The following ATR variants were observed in gnomAD, a reference collection of about 807,000 sequenced individuals.
ATR encodes the protein ATR checkpoint kinase.
Under a neutral mutation model 305.3 loss-of-function variants are expected in ATR, and 142 were observed. That is an observed-to-expected ratio of 0.47 (90% CI 0.41 to 0.53). The LOEUF (loss-of-function observed/expected upper bound fraction) is 0.53, where lower values mean the gene tolerates loss of function less well. ATR is among the 20% of genes least tolerant of loss of function. The pLI is 0.00. For synonymous variants in ATR, 1,050 were observed against 1,068.1 expected (o/e 0.98, Z 0.33); for missense variants, 2,135 against 3,133.1 (o/e 0.68, Z 7.60).
intron 21 of ATR, among the ~76,000 whole-genome samples, chr3:142,525,593 TG>T (rs1202351031): frequency 6.6e-6 from 1 of 152,182 alleles, no homozygotes; most frequent in African/African-American, 2.4e-5. Flanking sequence ...CCCCCAGTGT[TG>T]GAGGTGAGAT....
At chr3:142,480,868 G>C (rs1014929273) in intron 36 of ATR, among the ~76,000 whole-genome samples, 1 of 152,242 alleles carries the variant, frequency 6.6e-6, no homozygotes, top group African/African-American at 2.4e-5. Flanking sequence ...GGCTCCGTGG[G>C]CATGGGACCT....
chr3:142,466,191 C>T (rs1447456058), intron 40 of ATR, 133 bp downstream of exon 40: 1 of 1,062,106 alleles, frequency 9.4e-7, no homozygotes, highest in African/African-American at 1.6e-5. Flanking sequence ...TTTAGTTTTA[C>T]TCTTCTGTAT....
chr3:142,505,328 T>A (rs756974650), intron 28 of ATR, 25 bp from the exon 29 acceptor site: 1 of 1,610,676 alleles, frequency 6.2e-7, no homozygotes, highest in Non-Finnish European at 8.5e-7. Flanking sequence ...TAAAAAACAA[T>A]CAAAAACAAG....
chr3:142,511,934 C>A (rs554816448), intron 27 of ATR, among the ~76,000 whole-genome samples: 9 of 151,762 alleles, frequency 5.9e-5, no homozygotes, highest in Non-Finnish European at 1.2e-4. Flanking sequence ...GCCAATATGG[C>A]AAAACCCTGT....
intron 24 of ATR, among the ~76,000 whole-genome samples, chr3:142,516,307 C>G (rs1372015014): frequency 6.6e-6 from 1 of 152,138 alleles, no homozygotes; most frequent in African/African-American, 2.4e-5. Flanking sequence ...CGGTATTCAT[C>G]TGCTAACCTC....
chr3:142,556,626 G>A lies in ATR; in HGVS notation c.1886-51C>T, dbSNP rs577505489. The A allele has an allele frequency of 5.8e-5, 89 of 1,523,726 alleles. No homozygotes were observed. In the South Asian group the frequency reaches 9.2e-4, roughly 16 times the overall value. The allele number at this position is 1,523,726 out of a possible 1,614,324, so 94.4% of individuals were successfully genotyped here. On this transcript the variant is annotated intron_variant, in intron 8 of 46. Coordinates refer to ENST00000350721, the MANE Select transcript of ATR (RefSeq NM_001184.4). Reference sequence around the variant, plus strand: ...AGATTTCTACTAATGTTAATTTTATGTATACACATATACATATATATAAGT... The same window carrying A: ...AGATTTCTACTAATGTTAATTTTATATATACACATATACATATATATAAGT...
rs374435500 is a variant in ATR, at chr3:142,533,613, C to A, written c.3945+1467G>T. ...TGGTTAGGAAGACGTGTTTCTGGATCTTTATTCTTTTCTTACCTCCTCATG... is the reference window on the plus strand; with the variant it reads ...TGGTTAGGAAGACGTGTTTCTGGATATTTATTCTTTTCTTACCTCCTCATG... On this transcript the variant is annotated intron_variant, in intron 21 of 46. Coordinates refer to ENST00000350721, the MANE Select transcript of ATR (RefSeq NM_001184.4). Among the ~76,000 whole-genome samples the A allele has an allele frequency of 6.6e-5, 10 of 152,252 alleles. No individual in the cohort carries two copies. In the South Asian group the frequency reaches 1.2e-3, roughly 19 times the overall value.
chr3:142,505,650 T>C (rs756523704), intron 28 of ATR, among the ~76,000 whole-genome samples: 1 of 152,222 alleles, frequency 6.6e-6, no homozygotes, highest in Non-Finnish European at 1.5e-5. Flanking sequence ...TTTTAAATTT[T>C]TAAAAATGTA....
At position 142,449,591 on chromosome 3, in the gene ATR, A is replaced by G. The variant is rs887271779; in HGVS notation, c.7773T>C (p.His2591=). 4.3e-6 allele frequency: 7 copies of G among 1,614,010 alleles called. No individual in the cohort carries two copies. Among genetic ancestry groups the G allele is most frequent in the African/African-American group, 4.0e-5 (3 of 74,930 alleles). ...GEVVNEKAKT[H]VLDIEQRLQG... is the part of the protein sequence containing the mutation. ...GTAGTCGCTGCTCAATGTCAAGAAC[A>G]TGGGTCTTGGCCTAAAAAGAAGAAA... Residue 2591 remains histidine (H), a synonymous_variant, in exon 47 of 47, where the codon CAT becomes CAC. Coordinates refer to ENST00000350721, the MANE Select transcript of ATR (RefSeq NM_001184.4).
At chr3:142,511,591 G>T (rs1010584751) in intron 27 of ATR, among the ~76,000 whole-genome samples, 9 of 152,004 alleles carry the variant, frequency 5.9e-5, no homozygotes, top group African/African-American at 2.2e-4. Context: ...AGGAGGTAGA[G>T]GTTGCAGTGA....
intron 24 of ATR, among the ~76,000 whole-genome samples, chr3:142,516,376 C>G (rs1321342752): frequency 1.3e-5 from 2 of 152,210 alleles, no homozygotes; most frequent in Non-Finnish European, 2.9e-5. Flanking sequence ...GGCTACTGCA[C>G]TGATACAGGA....
At chr3:142,552,106 C>T (rs1002728166) in intron 13 of ATR, among the ~76,000 whole-genome samples, 5 of 88,682 alleles carry the variant, frequency 5.6e-5, no homozygotes, top group Admixed American at 1.9e-4. Context: ...CATCTCACGC[C>T]AGCAGAATGG....
rs866108157 is a variant in ATR, at chr3:142,514,880, T to C, written c.4503+515A>G. ...TAAATTTTAAATATACTGTAAACATTTTCTTGGAACACAGAGTACCTTTTG... is the reference window on the plus strand; with the variant it reads ...TAAATTTTAAATATACTGTAAACATCTTCTTGGAACACAGAGTACCTTTTG... On this transcript the variant is annotated intron_variant, in intron 25 of 46. Transcript: ENST00000350721. Among the ~76,000 whole-genome samples, 15 of 151,982 alleles carry C rather than the reference T, an allele frequency of 9.9e-5. No individual in the cohort carries two copies. In the Middle Eastern group the frequency reaches 0.017, roughly 172 times the overall value.
chr3:142,571,310 A>T (rs888755844), intron 1 of ATR, among the ~76,000 whole-genome samples: 1 of 152,084 alleles, frequency 6.6e-6, no homozygotes, highest in Non-Finnish European at 1.5e-5. Flanking sequence ...TGCTGAAAAC[A>T]CAAAAATCAG....
chr3:142,460,543 G>A lies in ATR; in HGVS notation c.7193-1160C>T, dbSNP rs145543677. On this transcript the variant is annotated intron_variant, in intron 42 of 46. Transcript: ENST00000350721. ...GCCACAGAACACCAGAAGGTTAAGAGAAAGGCAAGGAACATTAGCCTTCAG... is the reference window on the plus strand; with the variant it reads ...GCCACAGAACACCAGAAGGTTAAGAAAAAGGCAAGGAACATTAGCCTTCAG... Among the ~76,000 whole-genome samples, 364 of 152,204 alleles carry A rather than the reference G, an allele frequency of 2.4e-3. 3 individuals are homozygous for A. The highest frequency in any genetic ancestry group is 8.1e-3 in the African/African-American group (338 of 41,544).
intron 31 of ATR, among the ~76,000 whole-genome samples, 194 bp downstream of exon 31, chr3:142,499,433 T>TACAGGCGCGTGCC (rs1577577405): frequency 1.3e-5 from 2 of 151,968 alleles, no homozygotes; most frequent in Admixed American, 6.6e-5. Flanking sequence ...TAGTTGGGAC[T>TACAGGCGCGTGCC]ACAGGCGCGT....
At chr3:142,543,132 C>T (rs970800967) in intron 16 of ATR, among the ~76,000 whole-genome samples, 14 of 152,072 alleles carry the variant, frequency 9.2e-5, no homozygotes, top group Admixed American at 9.2e-4. Flanking sequence ...CAAGGGACTG[C>T]CCTTATTCTA....
chr3:142,450,620 A>T, intron 46 of ATR: 2 of 1,607,724 alleles, frequency 1.2e-6, no homozygotes, highest in Non-Finnish European at 8.5e-7. Flanking sequence ...AAAGGTGGAT[A>T]TGGAAGAGTA....
rs1412338344 is a variant in ATR at position 142,549,644 on chromosome 3, A to G, written c.3006T>C (p.Leu1002=). The G allele has an allele frequency of 6.2e-7, 1 of 1,613,744 alleles. No individual in the cohort carries two copies. The highest frequency in any genetic ancestry group is 8.5e-7 in the Non-Finnish European group (1 of 1,179,798). The change falls in exon 15 of 47, where the codon CTT becomes CTC. Residue 1002 remains leucine (L), a synonymous_variant. Transcript: ENST00000350721. ...AAGCTGCAGGGCTTGCTTTGGCAGC[A>G]AGATCAGGTAGTAGAACTTGTAATG... The part of the protein sequence containing the change: ...TRTLQVLLPD[L]AAKASPAASA...
Sources: allele counts gnomAD v4.1 joint callset (sites outside exome capture counted in the v4.1 genomes callset), GRCh38; gene constraint gnomAD v4.1.1; transcripts MANE v1.5; gene names NCBI Gene and HGNC (gene_info 2026-07-23, HGNC 2026-07-21).